DISC1: variants seen among roughly 807,000 people sequenced by gnomAD.
DISC1 encodes DISC1 scaffold protein, also known as disrupted in schizophrenia 1 protein.
In DISC1, 57 loss-of-function variants were observed where a neutral mutation model predicts 84.5. The ratio of observed to expected loss-of-function variants is 0.67; its 90% CI spans 0.55 to 0.84. The LOEUF (loss-of-function observed/expected upper bound fraction) is 0.84. DISC1 is among the 40% of genes least tolerant of loss of function. DISC1 has a pLI of 0.00. For missense variants in DISC1, 1,000 were observed against 1,057.8 expected (o/e 0.95, Z 0.76); for synonymous variants, 411 against 415.2 (o/e 0.99, Z 0.12).
chr1:231,694,948 G>A, intron 2 of DISC1, 143 bp downstream of exon 2: 1 of 1,190,676 alleles, frequency 8.4e-7, no homozygotes, highest in Non-Finnish European at 1.2e-6. Flanking sequence ...CGGCTGCACA[G>A]GATGTTGCTG....
chr1:231,714,482 T>G (rs1313263115), intron 3 of DISC1, among the ~76,000 whole-genome samples: 1 of 152,124 alleles, frequency 6.6e-6, no homozygotes, highest in Non-Finnish European at 1.5e-5. Context: ...GTTTGGTGGT[T>G]CTTCAAAAAG....
At chr1:231,773,226 A>G (rs2076691017) in intron 6 of DISC1, among the ~76,000 whole-genome samples, 1 of 152,152 alleles carries the variant, frequency 6.6e-6, no homozygotes, top group African/African-American at 2.4e-5. Flanking sequence ...TAGGAGCTCC[A>G]CAGTGTGGTT....
chr1:231,990,956 T>C (rs1222757872), intron 10 of DISC1, among the ~76,000 whole-genome samples: 2 of 152,252 alleles, frequency 1.3e-5, no homozygotes, highest in Non-Finnish European at 2.9e-5. Flanking sequence ...GGCCTTCACC[T>C]GACACCAGTC....
chr1:231,980,472 A>C (rs921916612), intron 10 of DISC1, among the ~76,000 whole-genome samples: 15 of 152,230 alleles, frequency 9.9e-5, no homozygotes, highest in African/African-American at 3.1e-4. Flanking sequence ...ATACCACCCC[A>C]AAATCCCCCA....
rs78410658 is a variant in DISC1, at chr1:231,982,503, C to T, written c.2042+23615C>T. Among the ~76,000 whole-genome samples, 70 of 152,306 alleles carry T rather than the reference C, an allele frequency of 4.6e-4. 1 individual carries two copies. The East Asian group carries it at 8.1e-3, about 18-fold the overall frequency. On this transcript the variant is annotated intron_variant, in intron 10 of 12. Transcript: ENST00000439617. The stretch of plus-strand genomic sequence containing the variant: ...TACCAATAAACAAAAGAAACACCAT[C>T]TTCGCTCTCTTGAAGCTTACATTTC...
chr1:231,939,943 ATG>A (rs2091213535), intron 9 of DISC1, among the ~76,000 whole-genome samples: 1 of 151,750 alleles, frequency 6.6e-6, no homozygotes, highest in African/African-American at 2.4e-5. Flanking sequence ...GGGTTTCACC[ATG>A]TTGGCCAGGC....
intron 1 of DISC1, among the ~76,000 whole-genome samples, chr1:231,688,422 T>C (rs998465814): frequency 1.3e-5 from 2 of 152,244 alleles, no homozygotes; most frequent in Non-Finnish European, 1.5e-5. Context: ...GACTGACTTG[T>C]GGCATTCATT....
intron 11 of DISC1, among the ~76,000 whole-genome samples, chr1:232,022,244 C>T (rs961612800): frequency 1.3e-5 from 2 of 151,986 alleles, no homozygotes; most frequent in Admixed American, 6.5e-5. Context: ...GGAAGTTTTG[C>T]CTAGTCCCTC....
intron 9 of DISC1, among the ~76,000 whole-genome samples, chr1:231,875,310 C>T (rs1287513069): frequency 1.3e-5 from 2 of 151,772 alleles, no homozygotes; most frequent in East Asian, 3.9e-4. Flanking sequence ...GGCCACCTGT[C>T]AGCTGAGTAA....
intron 10 of DISC1, among the ~76,000 whole-genome samples, chr1:231,983,749 A>T (rs546128843): frequency 2.0e-5 from 3 of 152,118 alleles, no homozygotes; most frequent in Non-Finnish European, 4.4e-5. Flanking sequence ...GAAAATACCT[A>T]AAGGGATCAG....
chr1:231,750,818 C>G (rs1184915378), intron 4 of DISC1, among the ~76,000 whole-genome samples: 1 of 152,182 alleles, frequency 6.6e-6, no homozygotes, highest in Non-Finnish European at 1.5e-5. Context: ...TGCTATGAGC[C>G]TCATCACAAT....
chr1:231,677,290 A>C (rs1264310118), intron 1 of DISC1, among the ~76,000 whole-genome samples: 3 of 152,214 alleles, frequency 2.0e-5, no homozygotes, highest in Non-Finnish European at 4.4e-5. Flanking sequence ...AACCCCAAAA[A>C]ACTAAGTCTG....
chr1:231,832,250 G>GAGCAT (rs1366046008), intron 9 of DISC1, among the ~76,000 whole-genome samples: 1 of 152,088 alleles, frequency 6.6e-6, no homozygotes, highest in Non-Finnish European at 1.5e-5. Flanking sequence ...CATAGTTTGT[G>GAGCAT]ATTTTGAGGG....
intron 9 of DISC1, among the ~76,000 whole-genome samples, chr1:231,914,433 G>A (rs1324811254): frequency 4.6e-5 from 7 of 152,128 alleles, no homozygotes. Context: ...AATATCTATT[G>A]GGTGGTTAAC....
rs113194710 is a variant in DISC1 at position 231,698,938 on chromosome 1, G to A, written c.1048-3017G>A. Among the ~76,000 whole-genome samples, 3 of 152,120 alleles carry A rather than the reference G, an allele frequency of 2.0e-5. No individual in the cohort carries two copies. Among genetic ancestry groups the A allele is most frequent in the Non-Finnish European group, 4.4e-5 (3 of 68,018 alleles). On this transcript the variant is annotated intron_variant, in intron 2 of 12. Transcript: ENST00000439617. The surrounding 1 kb of genome is among the most constrained non-coding windows in gnomAD (Gnocchi z 4.9). Reference sequence around the variant, plus strand: ...TCAGAAAGCATTTATCAATGACAACGAGTACAATGCCTTATCCTAGGCTTT... The same window carrying A: ...TCAGAAAGCATTTATCAATGACAACAAGTACAATGCCTTATCCTAGGCTTT...
intron 3 of DISC1, among the ~76,000 whole-genome samples, chr1:231,724,620 G>C (rs1360665284): frequency 6.6e-6 from 1 of 152,150 alleles, no homozygotes; most frequent in East Asian, 1.9e-4. Flanking sequence ...AGTCATCTGT[G>C]TATAGACACA....
In DISC1 at chr1:232,031,325, G is replaced by A. The variant is rs1445656536; in HGVS notation, c.2425+4773G>A. The stretch of plus-strand genomic sequence containing the variant: ...GAAGGAGAGAGGGAAGGAGAGAAAA[G>A]GAAAGGAAAAGGAAAAGAGGAAAGA... On this transcript the variant is annotated intron_variant, in intron 12 of 12. Coordinates refer to ENST00000439617, the MANE Select transcript of DISC1 (RefSeq NM_018662.3). The surrounding 1 kb of genome is among the most constrained non-coding windows in gnomAD (Gnocchi z 4.6). Among the ~76,000 whole-genome samples, 1 of 141,614 alleles carries A rather than the reference G, an allele frequency of 7.1e-6. No individual in the cohort carries two copies. Among genetic ancestry groups the A allele is most frequent in the Non-Finnish European group, 1.6e-5 (1 of 64,064 alleles). The allele number at this position is 141,614 out of a possible 152,430, so 92.9% of individuals were successfully genotyped here.
intron 9 of DISC1, among the ~76,000 whole-genome samples, chr1:231,821,425 A>G (rs1417152307): frequency 6.6e-6 from 1 of 152,208 alleles, no homozygotes; most frequent in Non-Finnish European, 1.5e-5. Flanking sequence ...AGACCTCATC[A>G]CCGAATCCAT....
chr1:231,756,174 C>T (rs1371381743), intron 4 of DISC1, among the ~76,000 whole-genome samples: 1 of 152,190 alleles, frequency 6.6e-6, no homozygotes, highest in Admixed American at 6.5e-5. Context: ...GCTCATGCCC[C>T]ATTGTTGTTA....
Sources: gnomAD v4.1 joint callset for allele counts (sites outside exome capture counted in the v4.1 genomes callset) on GRCh38, gnomAD v4.1.1 for gene constraint, Gnocchi (gnomAD v3.1) non-coding constraint, MANE v1.5 for transcripts, NCBI Gene and HGNC (gene_info 2026-07-23, HGNC 2026-07-21) for gene names.